Variants in KIF6 observed in about 807,000 individuals in gnomAD.
KIF6 encodes the protein kinesin-like protein KIF6.
KIF6 carries 106 observed loss-of-function variants against 112.7 expected under a neutral mutation model. That is an observed-to-expected ratio of 0.94 (90% CI 0.80 to 1.11). The LOEUF is 1.11. Among genes scored for constraint, KIF6 ranks in the 50% least tolerant of loss-of-function variants. The pLI is 0.00. For missense variants in KIF6, 929 were observed against 964.0 expected (o/e 0.96, Z 0.48); for synonymous variants, 339 against 339.9 (o/e 1.00, Z 0.03).
chr6:39,393,867 G>T (rs1768065329), intron 15 of KIF6, among the ~76,000 whole-genome samples: 1 of 152,174 alleles, frequency 6.6e-6, no homozygotes, highest in Non-Finnish European at 1.5e-5. Context: ...GTGTTGTGGG[G>T]AGGGAATGCC....
rs1763364685 is a variant in KIF6 at position 39,342,340 on chromosome 6, CA to C, written c.2428+1368del. 6.6e-6 allele frequency among the ~76,000 whole-genome samples: 1 copy of C among 152,236 alleles called. No homozygotes were observed. Among genetic ancestry groups the C allele is most frequent in the South Asian group, 2.1e-4 (1 of 4,834 alleles). On this transcript the variant is annotated intron_variant, in intron 22 of 22. Coordinates refer to ENST00000287152, the MANE Select transcript of KIF6 (RefSeq NM_145027.6). This position sits in a 1 kb window ranked among gnomAD's most constrained non-coding sequence, Gnocchi z 4.7. ...TATTTCATAGCACTTATTATCCCCTCAAACAATCTTACGTATTTGTCGACGT... is the reference window on the plus strand; with the variant it reads ...TATTTCATAGCACTTATTATCCCCTCAACAATCTTACGTATTTGTCGACGT...
chr6:39,401,696 G>A (rs1768714803), intron 15 of KIF6, among the ~76,000 whole-genome samples: 1 of 151,996 alleles, frequency 6.6e-6, no homozygotes, highest in African/African-American at 2.4e-5. Context: ...ATGCTCTCGG[G>A]GGAGTGGGTA....
chr6:39,723,869 T>G (rs896121957), intron 1 of KIF6, among the ~76,000 whole-genome samples: 1 of 152,056 alleles, frequency 6.6e-6, no homozygotes, highest in Non-Finnish European at 1.5e-5. Context: ...GTTCTGCACA[T>G]GCACCCCAGG....
chr6:39,699,999 T>C (rs979391620), intron 3 of KIF6, among the ~76,000 whole-genome samples: 2 of 152,208 alleles, frequency 1.3e-5, no homozygotes, highest in Non-Finnish European at 2.9e-5. Context: ...ATTTTCATTT[T>C]TATTTTTTAG....
chr6:39,341,729 C>A (rs1410561294), intron 22 of KIF6, among the ~76,000 whole-genome samples: 1 of 151,456 alleles, frequency 6.6e-6, no homozygotes, highest in African/African-American at 2.4e-5. Context: ...CCCTGCCTTT[C>A]TCATTTCAGT....
intron 19 of KIF6, among the ~76,000 whole-genome samples, chr6:39,349,023 C>T (rs116365575): frequency 0.016 from 2,416 of 152,240 alleles, 64 homozygotes; most frequent in African/African-American, 0.055. Flanking sequence ...CTGGCTTGCC[C>T]GAGGGTGTGC....
At chr6:39,424,709 G>A (rs1770640570) in intron 14 of KIF6, among the ~76,000 whole-genome samples, 1 of 152,164 alleles carries the variant, frequency 6.6e-6, no homozygotes, top group South Asian at 2.1e-4. Flanking sequence ...AATATGTTTT[G>A]TGTGTCATAA....
chr6:39,457,091 C>T (rs1478004969), intron 13 of KIF6, among the ~76,000 whole-genome samples: 11 of 147,230 alleles, frequency 7.5e-5, no homozygotes, highest in Non-Finnish European at 1.1e-4. Flanking sequence ...CACACCACAC[C>T]TATTCCAAAA....
chr6:39,413,275 C>A (rs1011624574), intron 15 of KIF6, among the ~76,000 whole-genome samples: 1 of 152,142 alleles, frequency 6.6e-6, no homozygotes, highest in African/African-American at 2.4e-5. Flanking sequence ...ATAAGAACTA[C>A]CTCCCATTGC....
At chr6:39,581,504 AG>A (rs1781294990) in intron 9 of KIF6, among the ~76,000 whole-genome samples, 1 of 152,012 alleles carries the variant, frequency 6.6e-6, no homozygotes, top group Non-Finnish European at 1.5e-5. Flanking sequence ...GTCAGACTAA[AG>A]GGGTTATGTA....
At chr6:39,643,823 A>C (rs1434876526) in intron 3 of KIF6, among the ~76,000 whole-genome samples, 2 of 152,186 alleles carry the variant, frequency 1.3e-5, no homozygotes, top group Admixed American at 6.5e-5. Flanking sequence ...AATAAGCTGC[A>C]CTTCATCAAA....
At chr6:39,524,504 G>A (rs925590217) in intron 13 of KIF6, among the ~76,000 whole-genome samples, 9 of 152,108 alleles carry the variant, frequency 5.9e-5, no homozygotes, top group Admixed American at 1.3e-4. Flanking sequence ...CTCCAGCTGC[G>A]GGGAGCATGT....
chr6:39,359,578 T>TTTATTA (rs35182743), intron 18 of KIF6, among the ~76,000 whole-genome samples: 6 of 151,458 alleles, frequency 4.0e-5, no homozygotes, highest in Non-Finnish European at 7.4e-5. Context: ...AGCTATGTGA[T>TTTATTA]TTATTATTAT....
chr6:39,485,526 GGGCTT>G (rs1394561055), intron 13 of KIF6, among the ~76,000 whole-genome samples: 1 of 152,130 alleles, frequency 6.6e-6, no homozygotes. Context: ...ACTTAGAACA[GGGCTT>G]GACACATAGT....
chr6:39,542,127 G>C (rs751174244), intron 12 of KIF6, among the ~76,000 whole-genome samples: 2 of 152,176 alleles, frequency 1.3e-5, no homozygotes, highest in Non-Finnish European at 2.9e-5. Context: ...CCAGAGCAAG[G>C]AGTTTGGTTT....
chr6:39,437,352 A>G (rs1375766772), intron 13 of KIF6, among the ~76,000 whole-genome samples: 1 of 152,172 alleles, frequency 6.6e-6, no homozygotes, highest in Non-Finnish European at 1.5e-5. Context: ...ATTTGGATAA[A>G]AGCAAGGATT....
chr6:39,351,252 C>T (rs1029017653), intron 19 of KIF6, among the ~76,000 whole-genome samples: 4 of 138,086 alleles, frequency 2.9e-5, no homozygotes, highest in Non-Finnish European at 4.6e-5. Flanking sequence ...CTTTTTCAGA[C>T]AGGGTCTCGC....
At chr6:39,414,038 A>G (rs1346166206) in intron 15 of KIF6, among the ~76,000 whole-genome samples, 1 of 152,210 alleles carries the variant, frequency 6.6e-6, no homozygotes, top group Non-Finnish European at 1.5e-5. Flanking sequence ...ATCTGGAATT[A>G]CTGAGGAAAT....
chr6:39,580,142 G>A (rs1318974739), intron 9 of KIF6, among the ~76,000 whole-genome samples: 1 of 151,952 alleles, frequency 6.6e-6, no homozygotes, highest in Non-Finnish European at 1.5e-5. Context: ...CATAAACATG[G>A]TATAGCTTTC....
Sources: gnomAD v4.1 joint callset for allele counts (sites outside exome capture counted in the v4.1 genomes callset) on GRCh38, gnomAD v4.1.1 for gene constraint, Gnocchi (gnomAD v3.1) non-coding constraint, MANE v1.5 for transcripts, NCBI Gene and HGNC (gene_info 2026-07-23, HGNC 2026-07-21) for gene names.